VCAN: variants seen among roughly 807,000 people sequenced by gnomAD.
The protein encoded by VCAN is versican core protein.
In VCAN, 44 loss-of-function variants were observed where a neutral mutation model predicts 245.5. That is an observed-to-expected ratio of 0.18 (90% confidence interval 0.14 to 0.23). VCAN has a LOEUF of 0.23. VCAN is among the 10% of genes least tolerant of loss of function. The probability of loss-of-function intolerance (pLI) is 1.00; values close to 1 mark genes in which losing one functional copy is unlikely to be tolerated. For missense variants in VCAN, 3,793 were observed against 4,057.9 expected (o/e 0.93, Z 1.77); for synonymous variants, 1,413 against 1,437.0 (o/e 0.98, Z 0.38).
intron 1 of VCAN, among the ~76,000 whole-genome samples, chr5:83,474,227 AAAAG>A (rs1424665604): frequency 6.6e-6 from 1 of 152,004 alleles, no homozygotes; most frequent in Non-Finnish European, 1.5e-5. Context: ...GTGGGAGGAA[AAAAG>A]AAAGGGAAGG....
rs1487476133 is a variant in VCAN, at chr5:83,537,673, C to A, written c.4670C>A (p.Ser1557Tyr). ...GGAGAGATTGCCATTGACCAAGAAT[C>A]TCAGAAAATAGCCTTTGCAAGGGCT... ...SSGEIAIDQE[S>Y]QKIAFARATE... Residue 1557 changes from serine (S) to tyrosine (Y), a missense_variant, in exon 8 of 15, where the codon TCT becomes TAT. By Grantham distance (144) the Ser-to-Tyr change is moderately radical. Around this residue, in one of 5 missense-constraint regions of VCAN, gnomAD observed 3,182 missense variants for 3,250.3 expected, o/e 0.98. Coordinates refer to ENST00000265077, the MANE Select transcript of VCAN (RefSeq NM_004385.5). The A allele has an allele frequency of 1.2e-6, 2 of 1,613,860 alleles. No individual in the cohort carries two copies. The highest frequency in any genetic ancestry group is 1.7e-6 in the Non-Finnish European group (2 of 1,179,940).
chr5:83,575,577 T>C (rs913035293), intron 13 of VCAN, among the ~76,000 whole-genome samples: 2 of 152,206 alleles, frequency 1.3e-5, no homozygotes, highest in Non-Finnish European at 2.9e-5. Context: ...GCTATTGACA[T>C]TTTTGGTCAG....
chr5:83,508,743 T>C (rs567962106), intron 5 of VCAN, among the ~76,000 whole-genome samples: 1 of 152,264 alleles, frequency 6.6e-6, no homozygotes, highest in Admixed American at 6.5e-5. Context: ...CAATTGATTC[T>C]GGTTAAATCT....
At chr5:83,484,785 G>A (rs541695910) in intron 2 of VCAN, among the ~76,000 whole-genome samples, 37 of 152,266 alleles carry the variant, frequency 2.4e-4, no homozygotes, top group East Asian at 7.7e-4. Context: ...AAAACAGAGT[G>A]ACATCATAGA....
chr5:83,502,379 GAA>G (rs1366841236), intron 5 of VCAN, among the ~76,000 whole-genome samples: 1 of 152,156 alleles, frequency 6.6e-6, no homozygotes, highest in Non-Finnish European at 1.5e-5. Context: ...TCCCAGCTGT[GAA>G]AAGCCAAAAA....
In VCAN at chr5:83,508,777, A is replaced by G. The variant is rs116199177; in HGVS notation, c.749-3326A>G. ...CTTCCTTTTTTTCATCTGAATTACA[A>G]GAAACCCAATGGTAATGTTTCTTGC... On this transcript the variant is annotated intron_variant, in intron 5 of 14. Transcript: ENST00000265077. Among the ~76,000 whole-genome samples the G allele has an allele frequency of 3.3e-3, 499 of 152,360 alleles. 2 individuals carry two copies. Among genetic ancestry groups the G allele is most frequent in the African/African-American group, 0.011 (478 of 41,586 alleles).
At chr5:83,479,635 A>G (rs909144280) in intron 1 of VCAN, among the ~76,000 whole-genome samples, 3 of 152,190 alleles carry the variant, frequency 2.0e-5, no homozygotes, top group Admixed American at 2.0e-4. Flanking sequence ...AAGAATGGAA[A>G]TAGGGATTTG....
chr5:83,519,745 A>G lies in VCAN; in HGVS notation c.1439A>G (p.Asp480Gly), dbSNP rs1746004478. Reference sequence around the variant, plus strand: ...GATTCATGGGATGGTGTCGTGGAAGATAAACAAACACAAGAATCGGTTACA... The same window carrying G: ...GATTCATGGGATGGTGTCGTGGAAGGTAAACAAACACAAGAATCGGTTACA... ...ATDSWDGVVE[D>G]KQTQESVTQI... Residue 480 changes from aspartate to glycine, a missense_variant, in exon 7 of 15, where the codon GAT becomes GGT. Physicochemically the swap from Asp to Gly is moderately conservative, Grantham distance 94 (BLOSUM62 -1). Coordinates refer to ENST00000265077, the MANE Select transcript of VCAN (RefSeq NM_004385.5). 5 of 1,614,204 alleles carry G rather than the reference A, an allele frequency of 3.1e-6. No homozygotes were observed. Among genetic ancestry groups the G allele is most frequent in the Non-Finnish European group, 4.2e-6 (5 of 1,180,004 alleles).
intron 3 of VCAN, among the ~76,000 whole-genome samples, chr5:83,492,739 T>C (rs2112357135): frequency 6.6e-6 from 1 of 152,332 alleles, no homozygotes; most frequent in South Asian, 2.1e-4. Flanking sequence ...AGGCTTTCTT[T>C]GGATAAAAAT....
intron 10 of VCAN, among the ~76,000 whole-genome samples, chr5:83,548,698 C>G (rs758130387): frequency 6.6e-6 from 1 of 152,148 alleles, no homozygotes; most frequent in Non-Finnish European, 1.5e-5. Flanking sequence ...TTAATGGGAG[C>G]ATTTCTTGGT....
At chr5:83,484,470 T>C (rs1261432120) in intron 2 of VCAN, among the ~76,000 whole-genome samples, 1 of 151,672 alleles carries the variant, frequency 6.6e-6, no homozygotes, top group Non-Finnish European at 1.5e-5. Context: ...TCTGTTTGCT[T>C]ATCAACATCT....
intron 5 of VCAN, 144 bp from the exon 6 acceptor site, chr5:83,511,959 T>C: frequency 1.0e-6 from 1 of 982,494 alleles, no homozygotes. Context: ...ACCATTATCT[T>C]TTCTGCTTTA....
intron 12 of VCAN, among the ~76,000 whole-genome samples, chr5:83,555,677 T>C (rs1747642761): frequency 6.6e-6 from 1 of 152,226 alleles, no homozygotes; most frequent in Admixed American, 6.5e-5. Flanking sequence ...CTAATTTTTA[T>C]AAAGAGTTCA....
Position 83,553,349 on chromosome 5 carries a change from C to A in VCAN, c.9494-15C>A, listed in dbSNP as rs768279273. The A allele has an allele frequency of 3.1e-6, 5 of 1,613,840 alleles. No individual in the cohort carries two copies. The highest frequency in any genetic ancestry group is 4.2e-6 in the Non-Finnish European group (5 of 1,179,870). Reference sequence around the variant, plus strand: ...CGTATGTGCGTTTAATAAGCTCCTGCCTGTTTCTTCTCAGATACCGAGACA... The same window carrying A: ...CGTATGTGCGTTTAATAAGCTCCTGACTGTTTCTTCTCAGATACCGAGACA... On this transcript the variant is annotated splice_polypyrimidine_tract_variant and intron_variant, in intron 10 of 14. Coordinates refer to ENST00000265077, the MANE Select transcript of VCAN (RefSeq NM_004385.5).
intron 12 of VCAN, among the ~76,000 whole-genome samples, chr5:83,570,825 CTT>C (rs5869186): frequency 0.14 from 20,331 of 145,876 alleles, 1,477 homozygotes; most frequent in South Asian, 0.29. Context: ...TGGACCTTCC[CTT>C]TTTTTTTTTT....
At chr5:83,579,736 C>T (rs76670581) in intron 13 of VCAN, among the ~76,000 whole-genome samples, 9 of 152,120 alleles carry the variant, frequency 5.9e-5, no homozygotes, top group African/African-American at 1.9e-4. Flanking sequence ...GAATGTATGA[C>T]CATTTAGTCC....
At chr5:83,492,684 C>T (rs1015342035) in intron 3 of VCAN, among the ~76,000 whole-genome samples, 3 of 152,258 alleles carry the variant, frequency 2.0e-5, no homozygotes, top group African/African-American at 4.8e-5. Flanking sequence ...GAATTTGAGG[C>T]AAGTATCAGG....
Position 83,521,439 on chromosome 5 carries a change from C to A in VCAN, c.3133C>A (p.Pro1045Thr), listed in dbSNP as rs758729789. 6.2e-7 allele frequency: 1 copy of A among 1,614,148 alleles called. No homozygotes were observed. Among genetic ancestry groups the A allele is most frequent in the South Asian group, 1.1e-5 (1 of 91,074 alleles). The change falls in exon 7 of 15, where the codon CCA becomes ACA. Residue 1045 changes from proline (P) to threonine (T), a missense_variant. Physicochemically the swap from Pro to Thr is conservative, Grantham distance 38. Around this residue, in one of 5 missense-constraint regions of VCAN, gnomAD observed 3,182 missense variants for 3,250.3 expected, o/e 0.98. Coordinates refer to ENST00000265077, the MANE Select transcript of VCAN (RefSeq NM_004385.5). ...FPWKEQTAEK[P>T]VPALSSTAWT... is the part of the protein sequence containing the mutation. ...TTGGAAAGAACAGACTGCAGAGAAA[C>A]CAGTTCCTGCTCTCAGTTCTACAGC... is the stretch of plus-strand genomic sequence containing the variant.
intron 12 of VCAN, among the ~76,000 whole-genome samples, chr5:83,570,397 CTT>C (rs1748243835): frequency 6.6e-6 from 1 of 152,074 alleles, no homozygotes; most frequent in African/African-American, 2.4e-5. Flanking sequence ...TTGAGGAGGA[CTT>C]TAAAGTAAAG....
Sources: allele counts gnomAD v4.1 joint callset (sites outside exome capture counted in the v4.1 genomes callset), GRCh38; gene constraint gnomAD v4.1.1; regional missense constraint gnomAD v4.1.1; transcripts MANE v1.5; gene names NCBI Gene and HGNC (gene_info 2026-07-23, HGNC 2026-07-21).